RFC1: variants seen among roughly 807,000 people sequenced by gnomAD.
The protein encoded by RFC1 is A1 140 kDa subunit.
Under a neutral mutation model 137.4 loss-of-function variants are expected in RFC1, and 37 were observed. The ratio of observed to expected loss-of-function variants is 0.27; its 90% CI spans 0.21 to 0.35. The LOEUF is 0.35. Among genes scored for constraint, RFC1 ranks in the 10% least tolerant of loss-of-function variants. The pLI is 1.00. For synonymous variants in RFC1, 429 were observed against 455.7 expected, an observed-to-expected ratio of 0.94 and a Z score of 0.75; for missense variants, 1,205 against 1,358.5, an observed-to-expected ratio of 0.89 and a Z score of 1.78.
chr4:39,356,431 G>A (rs755785037), intron 1 of RFC1, among the ~76,000 whole-genome samples: 6 of 152,036 alleles, frequency 3.9e-5, no homozygotes, highest in East Asian at 1.9e-4. Context: ...ACACATGAAC[G>A]GTTATTCCTC....
chr4:39,323,463 T>A, intron 6 of RFC1, 46 bp from the exon 7 acceptor site: 1 of 1,497,012 alleles, frequency 6.7e-7, no homozygotes, highest in Non-Finnish European at 9.3e-7. Context: ...CTTTTTCTTT[T>A]CGTAAATAGA....
chr4:39,342,755 C>T (rs1165074493), intron 3 of RFC1, among the ~76,000 whole-genome samples: 1 of 152,168 alleles, frequency 6.6e-6, no homozygotes, highest in African/African-American at 2.4e-5. Context: ...CTCACTGGGC[C>T]AGTCAAGGTA....
At chr4:39,312,139 TC>T (rs1738990035) in intron 11 of RFC1, among the ~76,000 whole-genome samples, 1 of 152,168 alleles carries the variant, frequency 6.6e-6, no homozygotes. Flanking sequence ...TTGCCACTGT[TC>T]CCTTTTCCTG....
At position 39,320,470 on chromosome 4, in the gene RFC1, CA is replaced by C; in HGVS notation, c.1007del (p.Val336GlyfsTer12). On this transcript the variant is annotated frameshift_variant, in exon 9 of 25. Coordinates refer to ENST00000349703, the MANE Select transcript of RFC1 (RefSeq NM_002913.5). LOFTEE classifies it high-confidence loss of function. ...EESSYKEIEP[V>X]ASKRKENAIK... ...TGGCATTTTCTTTTCTTTTTGAGGCCACAGGCTCTATTTCTTTATAAGAGCT... is the reference window on the plus strand; with the variant it reads ...TGGCATTTTCTTTTCTTTTTGAGGCCCAGGCTCTATTTCTTTATAAGAGCT... 1 of 1,601,422 alleles carries C rather than the reference CA, an allele frequency of 6.2e-7. No homozygotes were observed. Among genetic ancestry groups the C allele is most frequent in the Non-Finnish European group, 8.5e-7 (1 of 1,176,520 alleles).
intron 24 of RFC1, 60 bp downstream of exon 24, chr4:39,289,788 C>A: frequency 8.5e-7 from 1 of 1,169,954 alleles, no homozygotes; most frequent in Non-Finnish European, 1.3e-6. Context: ...CCCTATTATT[C>A]ACCAGGCAAG....
At chr4:39,325,121 T>G (rs1415822963) in intron 6 of RFC1, among the ~76,000 whole-genome samples, 1 of 152,180 alleles carries the variant, frequency 6.6e-6, no homozygotes, top group Non-Finnish European at 1.5e-5. Context: ...TTGCATTATC[T>G]CCCCATGATC....
chr4:39,293,778 G>A (rs995372856), intron 22 of RFC1, among the ~76,000 whole-genome samples: 2 of 152,110 alleles, frequency 1.3e-5, no homozygotes, highest in East Asian at 1.9e-4. Flanking sequence ...GGAGTCTAGC[G>A]GGAGCATCTG....
Position 39,300,158 on chromosome 4 carries a change from TG to T in RFC1, c.2691-21del. The stretch of plus-strand genomic sequence containing the variant: ...TCACCCCTGCAGGAAAGAACCAGTC[TG>T]GATTATCCCACTCTCCACACCCCAG... On this transcript the variant is annotated intron_variant, in intron 20 of 24. Coordinates refer to ENST00000349703, the MANE Select transcript of RFC1 (RefSeq NM_002913.5). 1 of 1,611,906 alleles carries T rather than the reference TG, an allele frequency of 6.2e-7. No individual in the cohort carries two copies. Among genetic ancestry groups the T allele is most frequent in the Non-Finnish European group, 8.5e-7 (1 of 1,177,984 alleles).
At chr4:39,334,127 C>T (rs192813757) in intron 4 of RFC1, among the ~76,000 whole-genome samples, 63 of 152,090 alleles carry the variant, frequency 4.1e-4, no homozygotes, top group African/African-American at 1.4e-3. Context: ...CCAATTTCCC[C>T]ATACTCCTTA....
At chr4:39,331,920 T>C (rs1416996819) in intron 4 of RFC1, among the ~76,000 whole-genome samples, 22 of 152,150 alleles carry the variant, frequency 1.4e-4, no homozygotes, top group Admixed American at 1.4e-3. Context: ...AATTCCCACA[T>C]TATGGGAGGG....
chr4:39,301,088 G>GA lies in RFC1; in HGVS notation c.2536-675dup, dbSNP rs35681684. Among the ~76,000 whole-genome samples, 885 of 140,748 alleles carry GA rather than the reference G, an allele frequency of 6.3e-3. 8 individuals carry two copies. The highest frequency in any genetic ancestry group is 0.023 in the African/African-American group (841 of 36,192). 92.3% of individuals were successfully genotyped at this position (140,748 alleles called of 152,430 possible). On this transcript the variant is annotated intron_variant, in intron 19 of 24. Coordinates refer to ENST00000349703, the MANE Select transcript of RFC1 (RefSeq NM_002913.5). ...AGCCTGGGTGACAAAGCAAGACTCC[G>GA]AAAAAAAAAAAACCAAAAAAAACAA...
intron 1 of RFC1, among the ~76,000 whole-genome samples, chr4:39,353,397 C>CAAAAAAAAAAAAA (rs11416030): frequency 1.6e-5 from 1 of 63,518 alleles, no homozygotes; most frequent in Non-Finnish European, 2.8e-5. Flanking sequence ...GAGACTGTCT[C>CAAAAAAAAAAAAA]AAAAAAAAAA....
chr4:39,312,490 T>C (rs971009564), intron 11 of RFC1, among the ~76,000 whole-genome samples: 1 of 152,138 alleles, frequency 6.6e-6, no homozygotes, highest in African/African-American at 2.4e-5. Context: ...ACTGCATTTG[T>C]TTCTATCTTC....
intron 1 of RFC1, among the ~76,000 whole-genome samples, chr4:39,359,844 T>C (rs1741663543): frequency 1.4e-5 from 2 of 144,784 alleles, no homozygotes; most frequent in Admixed American, 1.4e-4. Context: ...AAAAGAATAA[T>C]ACAGTGGACT....
Position 39,312,894 on chromosome 4 carries a change from A to G in RFC1, c.1241T>C (p.Ile414Thr). Residue 414 changes from isoleucine (I) to threonine (T), a missense_variant, in exon 11 of 25, where the codon ATC becomes ACC. By Grantham distance (89) the Ile-to-Thr change is moderately conservative (BLOSUM62 -1). Around this residue, in one of 3 missense-constraint regions of RFC1, gnomAD observed 962 missense variants for 1,035.3 expected, o/e 0.93. Transcript: ENST00000349703. ...ENCLEGLIFVITGVLESIERD... is the reference protein window; with the variant it reads ...ENCLEGLIFVTTGVLESIERD... The stretch of plus-strand genomic sequence containing the variant: ...TTCAATAGACTCCAGCACGCCTGTG[A>G]TTACAAATATAAGGCCTTCCAAGCA... 1 of 1,614,092 alleles carries G rather than the reference A, an allele frequency of 6.2e-7. No individual in the cohort carries two copies. Among genetic ancestry groups the G allele is most frequent in the Non-Finnish European group, 8.5e-7 (1 of 1,179,986 alleles).
intron 1 of RFC1, among the ~76,000 whole-genome samples, chr4:39,361,384 T>TTCAATCAA (rs911167647): frequency 6.6e-6 from 1 of 151,924 alleles, no homozygotes; most frequent in Non-Finnish European, 1.5e-5. Context: ...GCGACTGCGT[T>TTCAATCAA]TCAATCAATC....
chr4:39,303,642 C>T (rs1056358187), intron 15 of RFC1, among the ~76,000 whole-genome samples: 1 of 152,108 alleles, frequency 6.6e-6, no homozygotes, highest in Non-Finnish European at 1.5e-5. Flanking sequence ...TTAGTAGAGA[C>T]GGTGTTTCAC....
chr4:39,305,088 A>G (rs1379619717), intron 14 of RFC1, among the ~76,000 whole-genome samples, 160 bp from the exon 15 acceptor site: 2 of 152,238 alleles, frequency 1.3e-5, no homozygotes. Flanking sequence ...GATTAACTAT[A>G]GTATGCCTTA....
chr4:39,309,020 A>G lies in RFC1; in HGVS notation c.1501T>C (p.Ser501Pro). The G allele has an allele frequency of 6.3e-7, 1 of 1,596,546 alleles. No individual in the cohort carries two copies. Among genetic ancestry groups the G allele is most frequent in the South Asian group, 1.1e-5 (1 of 87,120 alleles). ...TTTTGGGGTGTTCTCTCCAGTTTGG[A>G]CTCTTTCTTCATCTTAAGAAGTGGA... ...IAVETEMKKE[S>P]KLERTPQKNV... is the part of the protein sequence containing the mutation. The change falls in exon 13 of 25, where the codon TCC (serine) becomes CCC (proline). Residue 501 changes from serine to proline, a missense_variant. Coordinates refer to ENST00000349703, the MANE Select transcript of RFC1 (RefSeq NM_002913.5).
Sources: allele counts gnomAD v4.1 joint callset (sites outside exome capture counted in the v4.1 genomes callset), GRCh38; gene constraint gnomAD v4.1.1; regional missense constraint gnomAD v4.1.1; transcripts MANE v1.5; gene names NCBI Gene and HGNC (gene_info 2026-07-23, HGNC 2026-07-21).